NCOR2: variants seen among roughly 807,000 people sequenced by gnomAD.
NCOR2 encodes the protein CTG repeat protein 26.
NCOR2 carries 81 observed loss-of-function variants against 262.9 expected under a neutral mutation model. That is an observed-to-expected ratio of 0.31 (90% CI 0.26 to 0.37). The LOEUF (loss-of-function observed/expected upper bound fraction) is 0.37. Among genes scored for constraint, NCOR2 ranks in the 10% least tolerant of loss-of-function variants. NCOR2 has a pLI of 1.00. For missense variants in NCOR2, 3,385 were observed against 3,621.4 expected (o/e 0.93, Z 1.68); for synonymous variants, 1,659 against 1,559.3 (o/e 1.06, Z -1.51).
At chr12:124,459,471 T>C (rs1050458123) in intron 5 of NCOR2, among the ~76,000 whole-genome samples, 1 of 152,092 alleles carries the variant, frequency 6.6e-6, no homozygotes, top group Admixed American at 6.5e-5. Context: ...TGTGGAGCCC[T>C]GTCCCAAGAT....
intron 1 of NCOR2, among the ~76,000 whole-genome samples, chr12:124,490,322 G>A (rs998289093): frequency 1.3e-5 from 2 of 152,164 alleles, no homozygotes; most frequent in African/African-American, 2.4e-5. Context: ...AGCTCCCTGA[G>A]ACAAGGATGC....
chr12:124,517,171 A>G lies in NCOR2; in HGVS notation c.-118+18394T>C, dbSNP rs2049857207. ...CTGCAAAGGGGAGGCAACACGCCCA[A>G]GGTCACACAGCATAGAGAGGACGGA... is the stretch of plus-strand genomic sequence containing the variant. On this transcript the variant is annotated intron_variant, in intron 1 of 46. Coordinates refer to the NCOR2 transcript ENST00000404621. This position sits in a 1 kb window ranked among gnomAD's most constrained non-coding sequence, Gnocchi z 7.6. 6.6e-6 allele frequency among the ~76,000 whole-genome samples: 1 copy of G among 152,138 alleles called. No individual in the cohort carries two copies. The highest frequency in any genetic ancestry group is 6.5e-5 in the Admixed American group (1 of 15,288).
chr12:124,367,388 C>G (rs1307969846), intron 20 of NCOR2, among the ~76,000 whole-genome samples: 1 of 152,150 alleles, frequency 6.6e-6, no homozygotes, highest in Non-Finnish European at 1.5e-5. Context: ...CCAGAGCTCT[C>G]TCATGGGTAA....
chr12:124,476,601 A>C (rs2047110521), intron 3 of NCOR2, among the ~76,000 whole-genome samples: 1 of 152,258 alleles, frequency 6.6e-6, no homozygotes, highest in Non-Finnish European at 1.5e-5. Context: ...CAGCACCAGG[A>C]GTAAAAGCAG....
intron 1 of NCOR2, among the ~76,000 whole-genome samples, chr12:124,487,605 C>T (rs1007009161): frequency 7.9e-5 from 12 of 152,228 alleles, no homozygotes; most frequent in African/African-American, 1.2e-4. Flanking sequence ...TTCCATCCAC[C>T]GACCCCTCCC....
chr12:124,327,790 T>C, intron 44 of NCOR2, 157 bp from the exon 47 acceptor site: 1 of 613,718 alleles, frequency 1.6e-6, no homozygotes, highest in East Asian at 2.8e-5. Flanking sequence ...CAAAGCAACA[T>C]ATTTATTTCC....
At chr12:124,339,555 C>CCAT (rs1431661786) in intron 37 of NCOR2, among the ~76,000 whole-genome samples, 1 of 151,088 alleles carries the variant, frequency 6.6e-6, no homozygotes, top group Non-Finnish European at 1.5e-5. Context: ...TATCACCCAC[C>CCAT]CATCCATCCA....
intron 1 of NCOR2, among the ~76,000 whole-genome samples, chr12:124,505,863 C>G (rs1454504402): frequency 1.3e-5 from 2 of 152,110 alleles, no homozygotes. Flanking sequence ...CTGGGAGGAG[C>G]CTGTGATTCT....
intron 24 of NCOR2, 116 bp from the exon 27 acceptor site, chr12:124,355,055 T>G: frequency 1.2e-6 from 1 of 846,572 alleles, no homozygotes. Flanking sequence ...GGGGCTGCTG[T>G]CCAGCTGTGT....
At chr12:124,471,798 C>A (rs2046846428) in intron 4 of NCOR2, among the ~76,000 whole-genome samples, 1 of 152,228 alleles carries the variant, frequency 6.6e-6, no homozygotes, top group Non-Finnish European at 1.5e-5. Context: ...AACTCCCGGG[C>A]TCAAGTGATC....
Position 124,344,580 on chromosome 12 carries a change from A to ATGCACACCCCACTCACCCTCC in NCOR2, c.4710_4714+16dup. 1 of 1,442,556 alleles carries ATGCACACCCCACTCACCCTCC rather than the reference A, an allele frequency of 6.9e-7. No homozygotes were observed. The highest frequency in any genetic ancestry group is 9.1e-7 in the Non-Finnish European group (1 of 1,093,590). 89.4% of individuals were successfully genotyped at this position (1,442,556 alleles called of 1,614,324 possible). On this transcript the variant is annotated intron_variant, in intron 32 of 46. Transcript: ENST00000405201. ...ACAGGCGCCCACCCCACTCACGCCC[A>ATGCACACCCCACTCACCCTCC]TGCACACCCCACTCACCCTCCTGCA...
intron 31 of NCOR2, among the ~76,000 whole-genome samples, chr12:124,346,350 T>A (rs562235793): frequency 3.9e-5 from 6 of 152,254 alleles, no homozygotes; most frequent in African/African-American, 1.4e-4. Flanking sequence ...ATGGGAACAA[T>A]GTGAGTTCAG....
At chr12:124,534,604 C>T (rs891104255) in intron 1 of NCOR2, among the ~76,000 whole-genome samples, 5 of 152,220 alleles carry the variant, frequency 3.3e-5, no homozygotes, top group East Asian at 1.9e-4. Context: ...AGCCAGAACA[C>T]GCTGTGTGCC....
intron 20 of NCOR2, among the ~76,000 whole-genome samples, chr12:124,364,894 G>A (rs998947545): frequency 3.3e-5 from 5 of 152,006 alleles, no homozygotes; most frequent in Non-Finnish European, 7.4e-5. Context: ...CCTGCATTTG[G>A]GGGTATGGAG....
At chr12:124,348,499 C>T in intron 28 of NCOR2, 185 bp from the exon 31 acceptor site, 1 of 729,276 alleles carries the variant, frequency 1.4e-6, no homozygotes, top group South Asian at 2.0e-5. Flanking sequence ...GGCCTGCCAG[C>T]AGGACCCAGG....
intron 6 of NCOR2, among the ~76,000 whole-genome samples, chr12:124,453,580 C>T (rs1308939124): frequency 6.6e-5 from 10 of 152,178 alleles, no homozygotes; most frequent in South Asian, 4.1e-4. Flanking sequence ...CGGCCCCCCT[C>T]GGGCTTTGAG....
intron 20 of NCOR2, among the ~76,000 whole-genome samples, chr12:124,367,471 A>G (rs2039129286): frequency 6.6e-6 from 1 of 152,012 alleles, no homozygotes. Context: ...CCCCAGAGGG[A>G]GCGGCCACCA....
intron 13 of NCOR2, 145 bp downstream of exon 15, chr12:124,419,812 G>C (rs1331786918): frequency 2.7e-6 from 2 of 732,138 alleles, no homozygotes. Context: ...ACGGAGGGGA[G>C]CCTGCACTCA....
intron 7 of NCOR2, among the ~76,000 whole-genome samples, chr12:124,448,541 C>T (rs976791770): frequency 1.6e-4 from 25 of 152,212 alleles, no homozygotes; most frequent in Admixed American, 7.9e-4. Flanking sequence ...GATGACCCCC[C>T]CGCCAGCCAC....
Sources: allele counts gnomAD v4.1 joint callset (sites outside exome capture counted in the v4.1 genomes callset), GRCh38; gene constraint gnomAD v4.1.1; non-coding constraint Gnocchi (gnomAD v3.1); transcripts MANE v1.5; gene names NCBI Gene and HGNC (gene_info 2026-07-23, HGNC 2026-07-21).